Variants in CRACDL observed in about 807,000 individuals in gnomAD.
The protein encoded by CRACDL is CRACD like.
Under a neutral mutation model 70.6 loss-of-function variants are expected in CRACDL, and 26 were observed. The observed-to-expected ratio is 0.37, with a 90% CI of 0.27 to 0.51. The LOEUF (loss-of-function observed/expected upper bound fraction) is 0.51. Ranked by LOEUF, CRACDL falls within the 20% of genes least tolerant of loss-of-function variation. The pLI is 0.94. For synonymous variants in CRACDL, 618 were observed against 615.2 expected, an observed-to-expected ratio of 1.00 and a Z score of -0.07; for missense variants, 1,283 against 1,376.9, an observed-to-expected ratio of 0.93 and a Z score of 1.08.
At chr2:98,847,426 A>G (rs1706308185) in intron 1 of CRACDL, among the ~76,000 whole-genome samples, 1 of 152,258 alleles carries the variant, frequency 6.6e-6, no homozygotes, top group African/African-American at 2.4e-5. Context: ...AATGTCAAAC[A>G]GATACAAAAA....
rs78139780 is a variant in CRACDL at position 98,914,158 on chromosome 2, G to T, written c.-11+21780C>A. 5.4e-4 allele frequency among the ~76,000 whole-genome samples: 82 copies of T among 152,358 alleles called. 1 individual carries two copies. Among genetic ancestry groups the T allele is most frequent in the African/African-American group, 1.9e-3 (77 of 41,578 alleles). ...GGAAGCCGAGGCAGGAGCCAGGTAG[G>T]GGGAGGAGGCAGGAGCCCCAAGGAC... On this transcript the variant is annotated intron_variant, in intron 1 of 9. Coordinates refer to ENST00000397899, the MANE Select transcript of CRACDL (RefSeq NM_207362.3).
chr2:98,884,090 C>T (rs1288168767), intron 1 of CRACDL, among the ~76,000 whole-genome samples: 1 of 152,280 alleles, frequency 6.6e-6, no homozygotes, highest in East Asian at 1.9e-4. Flanking sequence ...GTGCCCCACC[C>T]ACCTGGAGAT....
Position 98,822,392 on chromosome 2 carries a change from A to T in CRACDL, c.1881T>A (p.Pro627=). The T allele has an allele frequency of 6.8e-7, 1 of 1,478,922 alleles. No homozygotes were observed. The allele number at this position is 1,478,922 out of a possible 1,614,324, so 91.6% of individuals were successfully genotyped here. A position where few individuals can be genotyped will look rare whatever the true frequency, so the allele number is the denominator to read the frequency against. The change falls in exon 7 of 10, where the codon CCT becomes CCA. Residue 627 remains proline (P), a synonymous_variant. Coordinates refer to ENST00000397899, the MANE Select transcript of CRACDL (RefSeq NM_207362.3). This position sits in a 1 kb window ranked among gnomAD's most constrained non-coding sequence, Gnocchi z 4.9. The part of the protein sequence containing the change: ...QGLPEPQHAK[P]GPRKLAERGP... ...CGCGCTCCGCCAGCTTCCGAGGGCC[A>T]GGTTTCGCGTGCTGGGGCTCGGGGA...
chr2:98,812,711 G>GTT (rs70940126), intron 7 of CRACDL, among the ~76,000 whole-genome samples: 1 of 139,536 alleles, frequency 7.2e-6, no homozygotes, highest in Non-Finnish European at 1.6e-5. Flanking sequence ...CTGTTTTTTT[G>GTT]TTTTTTTTTT....
At chr2:98,901,856 G>A (rs7423519) in intron 1 of CRACDL, among the ~76,000 whole-genome samples, 52,927 of 151,860 alleles carry the variant, frequency 0.35, 9,486 homozygotes, top group African/African-American at 0.39. Context: ...AACACACTGC[G>A]CCCAGCTGGC....
At chr2:98,910,140 G>A (rs1708511977) in intron 1 of CRACDL, among the ~76,000 whole-genome samples, 1 of 152,104 alleles carries the variant, frequency 6.6e-6, no homozygotes, top group Admixed American at 6.5e-5. Flanking sequence ...CTCTTACCAA[G>A]GGGGCTGTGA....
intron 2 of CRACDL, among the ~76,000 whole-genome samples, chr2:98,838,705 G>A (rs1705900232): frequency 6.6e-6 from 1 of 152,154 alleles, no homozygotes; most frequent in South Asian, 2.1e-4. Flanking sequence ...GAATTGCTTT[G>A]TCTAGTGTGA....
chr2:98,900,648 TGTGTGTGGAGG>T (rs1708255266), intron 1 of CRACDL, among the ~76,000 whole-genome samples: 1 of 152,088 alleles, frequency 6.6e-6, no homozygotes, highest in Non-Finnish European at 1.5e-5. Flanking sequence ...TGTGCATGCG[TGTGTGTGGAGG>T]GTGGCGGTGC....
chr2:98,864,019 T>G (rs1197975268), intron 1 of CRACDL, among the ~76,000 whole-genome samples: 1 of 152,158 alleles, frequency 6.6e-6, no homozygotes, highest in African/African-American at 2.4e-5. Flanking sequence ...TGAACGCACT[T>G]AATACCACTT....
At chr2:98,898,957 A>G (rs1708198180) in intron 1 of CRACDL, among the ~76,000 whole-genome samples, 1 of 152,242 alleles carries the variant, frequency 6.6e-6, no homozygotes, top group South Asian at 2.1e-4. Context: ...AGGGGTCACA[A>G]TTCACAGCCT....
chr2:98,931,546 G>A (rs1359433472), intron 1 of CRACDL, among the ~76,000 whole-genome samples: 3 of 152,184 alleles, frequency 2.0e-5, no homozygotes, highest in Non-Finnish European at 4.4e-5. Context: ...AGAGACTGGT[G>A]TATGGACCTC....
chr2:98,828,753 C>A (rs973711827), intron 5 of CRACDL, among the ~76,000 whole-genome samples: 4 of 152,182 alleles, frequency 2.6e-5, no homozygotes, highest in African/African-American at 9.7e-5. Context: ...TATTTGAATT[C>A]TCTTTTAGCT....
intron 1 of CRACDL, among the ~76,000 whole-genome samples, chr2:98,905,223 C>T (rs1390280030): frequency 7.0e-6 from 1 of 141,950 alleles, no homozygotes; most frequent in Admixed American, 7.2e-5. Flanking sequence ...GCACTCCAGC[C>T]TGGGTGACAG....
At chr2:98,900,033 AGGGGAGGCAGAT>A (rs1303161941) in intron 1 of CRACDL, among the ~76,000 whole-genome samples, 1 of 106,412 alleles carries the variant, frequency 9.4e-6, no homozygotes. Context: ...GCTCAGCAGG[AGGGGAGGCAGAT>A]GGACAGAGGC....
chr2:98,931,106 C>T (rs567001866), intron 1 of CRACDL, among the ~76,000 whole-genome samples: 1 of 152,284 alleles, frequency 6.6e-6, no homozygotes, highest in African/African-American at 2.4e-5. Context: ...GGGTGGATCA[C>T]TTGAGGTCAG....
At chr2:98,913,379 G>A (rs985664563) in intron 1 of CRACDL, among the ~76,000 whole-genome samples, 6 of 152,182 alleles carry the variant, frequency 3.9e-5, no homozygotes, top group African/African-American at 7.2e-5. Flanking sequence ...AGGGTGGTCC[G>A]TGGGCAGTCA....
chr2:98,795,077 A>ATATATATATATATATTTTTTTTTTTT, intron 9 of CRACDL, among the ~76,000 whole-genome samples: 1 of 58,510 alleles, frequency 1.7e-5, no homozygotes, highest in Non-Finnish European at 3.1e-5. Context: ...ATATATATAT[A>ATATATATATATATATTTTTTTTTTTT]TTTTTTTTTT....
intron 1 of CRACDL, among the ~76,000 whole-genome samples, chr2:98,933,856 A>G (rs1169061926): frequency 6.6e-6 from 1 of 152,196 alleles, no homozygotes; most frequent in Non-Finnish European, 1.5e-5. Flanking sequence ...CAGCTCATAG[A>G]CAACAGACAT....
chr2:98,935,108 T>C (rs966827658), intron 1 of CRACDL, among the ~76,000 whole-genome samples: 7 of 152,326 alleles, frequency 4.6e-5, no homozygotes, highest in Admixed American at 4.6e-4. Flanking sequence ...CTATGGTATA[T>C]GCAAATGAAG....
Sources: gnomAD v4.1 joint callset for allele counts (sites outside exome capture counted in the v4.1 genomes callset) on GRCh38, gnomAD v4.1.1 for gene constraint, Gnocchi (gnomAD v3.1) non-coding constraint, MANE v1.5 for transcripts, NCBI Gene and HGNC (gene_info 2026-07-23, HGNC 2026-07-21) for gene names.